The following AFDN variants were observed in gnomAD, a reference collection of about 807,000 sequenced individuals.
The protein encoded by AFDN is afadin, adherens junction formation factor.
A neutral mutation model predicts 216.6 loss-of-function variants in AFDN; 68 were observed. The observed-to-expected ratio is 0.31, with a 90% CI of 0.26 to 0.38. The LOEUF is 0.38. AFDN is among the 10% of genes least tolerant of loss of function. AFDN has a pLI of 1.00. For synonymous variants in AFDN, 868 were observed against 853.7 expected (o/e 1.02, Z -0.29); for missense variants, 2,136 against 2,342.0 (o/e 0.91, Z 1.82).
At chr6:167,934,714 T>G (rs1793763840) in intron 23 of AFDN, among the ~76,000 whole-genome samples, 1 of 152,138 alleles carries the variant, frequency 6.6e-6, no homozygotes, top group Admixed American at 6.5e-5. Flanking sequence ...CTTTTTTTTT[T>G]GGATTGTGTT....
At chr6:167,934,340 A>G (rs1793714024) in intron 23 of AFDN, among the ~76,000 whole-genome samples, 1 of 152,214 alleles carries the variant, frequency 6.6e-6, no homozygotes, top group Admixed American at 6.5e-5. Context: ...GTAACTTACC[A>G]TGGACTTCCA....
chr6:167,966,247 C>T (rs1797550441), intron 32 of AFDN: 2 of 1,529,336 alleles, frequency 1.3e-6, no homozygotes, highest in East Asian at 2.5e-5. Flanking sequence ...AAATCCAGCT[C>T]CTACCATCCC....
chr6:167,873,794 C>T (rs899886037), intron 4 of AFDN, among the ~76,000 whole-genome samples: 1 of 152,128 alleles, frequency 6.6e-6, no homozygotes, highest in Non-Finnish European at 1.5e-5. Context: ...CATTTGTATT[C>T]TTTTGTTGGA....
At position 167,827,710 on chromosome 6, in the gene AFDN, C is replaced by G. The variant is rs527490387; in HGVS notation, c.105+473C>G. Reference sequence around the variant, plus strand: ...GCTGTGCTTCGGGTTCATAAACTTGCAGGCTGCCAGCTGGGAGGGGAAAGT... The same window carrying G: ...GCTGTGCTTCGGGTTCATAAACTTGGAGGCTGCCAGCTGGGAGGGGAAAGT... On this transcript the variant is annotated intron_variant, in intron 1 of 33. Coordinates refer to ENST00000683244, the MANE Select transcript of AFDN (RefSeq NM_001386888.1). 3.9e-4 allele frequency: 59 copies of G among 152,142 alleles called. 1 individual carries two copies. Among genetic ancestry groups the G allele is most frequent in the African/African-American group, 1.3e-3 (54 of 41,548 alleles). 9.4% of individuals were successfully genotyped at this position (152,142 alleles called of 1,614,324 possible). A position where few individuals can be genotyped will look rare whatever the true frequency, so the allele number is the denominator to read the frequency against.
intron 22 of AFDN, among the ~76,000 whole-genome samples, chr6:167,924,492 G>A (rs1792245855): frequency 6.6e-6 from 1 of 152,180 alleles, no homozygotes; most frequent in South Asian, 2.1e-4. Flanking sequence ...TCCTGCAGCG[G>A]CCCTGGTGCT....
chr6:167,913,412 C>A lies in AFDN; in HGVS notation c.2047C>A (p.Gln683Lys). The A allele has an allele frequency of 6.5e-7, 1 of 1,535,836 alleles. No homozygotes were observed. The highest frequency in any genetic ancestry group is 1.7e-4 in the Middle Eastern group (1 of 5,990). ...GTCTGTTTTTCTCCAGGAAGTAGACCAGGTTGACCAGGTAGGACATCTGCT... is the reference window on the plus strand; with the variant it reads ...GTCTGTTTTTCTCCAGGAAGTAGACAAGGTTGACCAGGTAGGACATCTGCT... The part of the protein sequence containing the change: ...MMEGVIQEVD[Q>K]VDQKQKNIAG... Residue 683 changes from glutamine (Q) to lysine (K), a missense_variant, in exon 16 of 34, where the codon CAG becomes AAG. Transcript: ENST00000683244.
At chr6:167,946,564 A>G in intron 26 of AFDN, 143 bp from the exon 27 acceptor site, 1 of 631,302 alleles carries the variant, frequency 1.6e-6, no homozygotes, top group Non-Finnish European at 2.6e-6. Flanking sequence ...ATATTTACTT[A>G]AAAGCTGTTT....
At chr6:167,928,958 T>C (rs1792921700) in intron 23 of AFDN, among the ~76,000 whole-genome samples, 1 of 152,202 alleles carries the variant, frequency 6.6e-6, no homozygotes, top group Non-Finnish European at 1.5e-5. Flanking sequence ...ATCTTTGCTA[T>C]TACGAAAATA....
In AFDN at chr6:167,911,460, A is replaced by G. The variant is rs374486241; in HGVS notation, c.2008A>G (p.Met670Val). 2.9e-5 allele frequency: 46 copies of G among 1,613,990 alleles called. No individual in the cohort carries two copies. The highest frequency in any genetic ancestry group is 3.9e-5 in the Non-Finnish European group (46 of 1,180,010). The part of the protein sequence containing the change: ...THKVIAVVNK[M>V]VSMMEGVIQE... The stretch of plus-strand genomic sequence containing the variant: ...TAAAGTCATTGCAGTCGTCAACAAG[A>G]TGGTGAGCATGATGGAGGGTGTCAT... The change falls in exon 15 of 34, where the codon ATG becomes GTG. Residue 670 changes from methionine (M) to valine (V), a missense_variant. Physicochemically the swap from Met to Val is conservative, Grantham distance 21. Around this residue, in one of 8 missense-constraint regions of AFDN, gnomAD observed 817 missense variants for 965.7 expected, o/e 0.85. Transcript: ENST00000683244.
intron 23 of AFDN, among the ~76,000 whole-genome samples, chr6:167,934,818 G>A (rs529981996): frequency 1.2e-4 from 19 of 152,272 alleles, no homozygotes; most frequent in African/African-American, 4.3e-4. Context: ...CCGCCTGACC[G>A]AGCCTCCCTG....
chr6:167,866,738 A>G (rs964433392), intron 2 of AFDN, among the ~76,000 whole-genome samples: 6 of 152,130 alleles, frequency 3.9e-5, no homozygotes, highest in Non-Finnish European at 8.8e-5. Flanking sequence ...CCAGCTTTGT[A>G]TGTATGTGAT....
In AFDN at chr6:167,896,880, G is replaced by A. The variant is rs1476327912; in HGVS notation, c.1225G>A (p.Gly409Ser). ...CTGTCTTCCTTCTCTTCTCACAGAT[G>A]GTTCTGACTCTAGAGATAAGCCAAA... ...AYYNYHTYED[G>S]SDSRDKPKLY... Residue 409 changes from glycine to serine, a missense_variant and splice_region_variant, in exon 10 of 34, where the codon GGT becomes AGT. Coordinates refer to ENST00000683244, the MANE Select transcript of AFDN (RefSeq NM_001386888.1). 1.2e-6 allele frequency: 2 copies of A among 1,603,552 alleles called. No homozygotes were observed. The highest frequency in any genetic ancestry group is 1.7e-6 in the Non-Finnish European group (2 of 1,171,172).
In AFDN at chr6:167,898,283, A is replaced by G. The variant is rs372153020; in HGVS notation, c.1396A>G (p.Met466Val). 51 of 1,614,140 alleles carry G rather than the reference A, an allele frequency of 3.2e-5. No individual in the cohort carries two copies. Among genetic ancestry groups the G allele is most frequent in the Non-Finnish European group, 3.9e-5 (46 of 1,180,024 alleles). Residue 466 changes from methionine (M) to valine (V), a missense_variant, in exon 11 of 34, where the codon ATG (methionine) becomes GTG (valine). Physicochemically the swap from Met to Val is conservative, Grantham distance 21 (BLOSUM62 1). Around this residue, in one of 8 missense-constraint regions of AFDN, gnomAD observed 817 missense variants for 965.7 expected, o/e 0.85. Transcript: ENST00000683244. ...AGTGGTCACTGTGACGCCCAGAAGT[A>G]TGGACGCAGAAACCTACGTGGAAGG... Reference protein sequence around the residue: ...DGVVTVTPRSMDAETYVEGQR... With the variant: ...DGVVTVTPRSVDAETYVEGQR...
At chr6:167,847,466 C>T (rs187382147) in intron 1 of AFDN, among the ~76,000 whole-genome samples, 12 of 152,170 alleles carry the variant, frequency 7.9e-5, no homozygotes, top group Admixed American at 5.9e-4. Flanking sequence ...GCACTCTCAT[C>T]GGCACCGCAC....
At chr6:167,930,408 A>G (rs147550465) in intron 23 of AFDN, among the ~76,000 whole-genome samples, 2 of 152,152 alleles carry the variant, frequency 1.3e-5, no homozygotes, top group African/African-American at 2.4e-5. Context: ...TGAGTGATGA[A>G]TTATATGGTT....
At chr6:167,911,055 T>C (rs1416353296) in intron 13 of AFDN, 46 bp from the exon 14 acceptor site, 3 of 1,517,582 alleles carry the variant, frequency 2.0e-6, no homozygotes, top group Non-Finnish European at 2.7e-6. Context: ...GTAATATTGT[T>C]AGCCATGTGA....
At chr6:167,933,133 G>GTT (rs1248767287) in intron 23 of AFDN, among the ~76,000 whole-genome samples, 1 of 152,172 alleles carries the variant, frequency 6.6e-6, no homozygotes, top group African/African-American at 2.4e-5. Flanking sequence ...CCATTAGGTG[G>GTT]TTTTAACTAC....
At chr6:167,918,422 T>C (rs184434718) in intron 20 of AFDN, among the ~76,000 whole-genome samples, 25 of 152,240 alleles carry the variant, frequency 1.6e-4, no homozygotes, top group African/African-American at 6.0e-4. Flanking sequence ...AGGAAAAAAA[T>C]GATTAGAAAA....
Position 167,907,162 on chromosome 6 carries a change from T to G in AFDN, c.1651-9T>G. On this transcript the variant is annotated splice_polypyrimidine_tract_variant and intron_variant, in intron 12 of 33. Transcript: ENST00000683244. ...GGTTCTAAACCCGTTGTGCTTTCTC[T>G]CCATGTAGAGCACCACTAGGCTGGA... is the stretch of plus-strand genomic sequence containing the variant. 6.2e-7 allele frequency: 1 copy of G among 1,610,414 alleles called. No homozygotes were observed. Among genetic ancestry groups the G allele is most frequent in the Non-Finnish European group, 8.5e-7 (1 of 1,177,172 alleles).
Sources: gnomAD v4.1 joint callset for allele counts (sites outside exome capture counted in the v4.1 genomes callset) on GRCh38, gnomAD v4.1.1 for gene constraint, gnomAD v4.1.1 regional missense constraint, MANE v1.5 for transcripts, NCBI Gene and HGNC (gene_info 2026-07-23, HGNC 2026-07-21) for gene names.